The following ZSWIM9 variants were observed in gnomAD, a reference collection of about 807,000 sequenced individuals.
The protein encoded by ZSWIM9 is uncharacterized protein ZSWIM9.
Under a neutral mutation model 25.0 loss-of-function variants are expected in ZSWIM9, and 11 were observed. The observed-to-expected ratio is 0.44, with a 90% CI of 0.28 to 0.73. The LOEUF (loss-of-function observed/expected upper bound fraction) is 0.73, where lower values mean the gene tolerates loss of function less well. ZSWIM9 is among the 30% of genes least tolerant of loss of function. ZSWIM9 has a pLI of 0.16. For missense variants in ZSWIM9, 1,070 were observed against 1,296.5 expected (o/e 0.83, Z 2.68); for synonymous variants, 562 against 582.1 (o/e 0.97, Z 0.50).
chr19:48,195,125 C>T lies in ZSWIM9; in HGVS notation c.1061C>T (p.Ser354Leu), dbSNP rs1216344842. The T allele has an allele frequency of 3.4e-6, 5 of 1,484,858 alleles. No homozygotes were observed. Among genetic ancestry groups the T allele is most frequent in the Non-Finnish European group, 2.7e-6 (3 of 1,122,402 alleles). 92.0% of individuals were successfully genotyped at this position (1,484,858 alleles called of 1,614,324 possible). Reference sequence around the variant, plus strand: ...CTGTGCCGCCTGGCTGGCGCGTCGTCGCCCGCAGCCTACGACGAGGCGCTG... The same window carrying T: ...CTGTGCCGCCTGGCTGGCGCGTCGTTGCCCGCAGCCTACGACGAGGCGCTG... ...SRLCRLAGAS[S>L]PAAYDEALAE... Residue 354 changes from serine to leucine, a missense_variant, in exon 4 of 4, where the codon TCG becomes TTG. By Grantham distance (145) the Ser-to-Leu change is moderately radical. Transcript: ENST00000614654. The surrounding 1 kb of genome is among the most constrained non-coding windows in gnomAD (Gnocchi z 5.8).
At chr19:48,191,086 A>ATGTGTGTGTG (rs1409972670) in intron 3 of ZSWIM9, among the ~76,000 whole-genome samples, 72 of 142,642 alleles carry the variant, frequency 5.0e-4, no homozygotes, top group Middle Eastern at 3.4e-3. Context: ...TGCAGTGTGT[A>ATGTGTGTGTG]TGTGTATGTG....
Position 48,196,226 on chromosome 19 carries a change from G to T in ZSWIM9, c.2162G>T (p.Gly721Val). Reference protein sequence around the residue: ...GLEDIVLVQLGDTRVTGMENG... With the variant: ...GLEDIVLVQLVDTRVTGMENG... Reference sequence around the variant, plus strand: ...GAGGATATAGTTCTGGTCCAGCTGGGAGACACGAGGGTCACAGGCATGGAG... The same window carrying T: ...GAGGATATAGTTCTGGTCCAGCTGGTAGACACGAGGGTCACAGGCATGGAG... The change falls in exon 4 of 4, where the codon GGA (glycine) becomes GTA (valine). Residue 721 changes from glycine (G) to valine (V), a missense_variant. Gly to Val is a moderately radical substitution (Grantham distance 109, BLOSUM62 -3). Transcript: ENST00000614654. 1 of 1,233,412 alleles carries T rather than the reference G, an allele frequency of 8.1e-7. No homozygotes were observed. 76.4% of individuals were successfully genotyped at this position (1,233,412 alleles called of 1,614,324 possible).
chr19:48,174,205 G>T (rs1045648317), intron 2 of ZSWIM9, among the ~76,000 whole-genome samples: 2 of 151,948 alleles, frequency 1.3e-5, no homozygotes, highest in Non-Finnish European at 2.9e-5. Flanking sequence ...AAGAACACAG[G>T]CTCTGCCTTT....
chr19:48,173,803 A>G (rs1340051118), intron 2 of ZSWIM9, among the ~76,000 whole-genome samples: 1 of 150,050 alleles, frequency 6.7e-6, no homozygotes, highest in Non-Finnish European at 1.5e-5. Context: ...TGCCCAGCTA[A>G]TTTTTGTATT....
intron 2 of ZSWIM9, among the ~76,000 whole-genome samples, chr19:48,176,543 TTC>T (rs2036895237): frequency 6.6e-6 from 1 of 152,098 alleles, no homozygotes; most frequent in Non-Finnish European, 1.5e-5. Flanking sequence ...CCTCCCGCCT[TTC>T]TTTCTCACTT....
At position 48,183,659 on chromosome 19, in the gene ZSWIM9, A is replaced by G. The variant is rs1461859815; in HGVS notation, c.588+892A>G. ...TTTTTTTTAATCTTTTTTTTTTTTG[A>G]GACAGGATCTCACTGTCACCCAGGC... On this transcript the variant is annotated intron_variant, in intron 3 of 3. Transcript: ENST00000614654. Among the ~76,000 whole-genome samples, 3 of 139,176 alleles carry G rather than the reference A, an allele frequency of 2.2e-5. No homozygotes were observed. The East Asian group carries it at 6.6e-4, about 31-fold the overall frequency. The allele number at this position is 139,176 out of a possible 152,430, so 91.3% of individuals were successfully genotyped here.
rs1163048081 is a variant in ZSWIM9, at chr19:48,197,093, A to C, written c.*266A>C. On this transcript the variant is annotated 3_prime_UTR_variant, in exon 4 of 4. Coordinates refer to ENST00000614654, the MANE Select transcript of ZSWIM9 (RefSeq NM_199341.4). The stretch of plus-strand genomic sequence containing the variant: ...CTTCCCTCTGGAGAGGAAGCATGTG[A>C]TGAGAGGTGTAGACAGGGTCAGGCT... The C allele has an allele frequency of 1.2e-5, 7 of 593,732 alleles. No homozygotes were observed. Among genetic ancestry groups the C allele is most frequent in the Non-Finnish European group, 2.1e-5 (7 of 333,686 alleles). 36.8% of individuals were successfully genotyped at this position (593,732 alleles called of 1,614,324 possible).
chr19:48,178,631 C>T (rs958990007), intron 2 of ZSWIM9, among the ~76,000 whole-genome samples: 1 of 151,884 alleles, frequency 6.6e-6, no homozygotes, highest in Non-Finnish European at 1.5e-5. Context: ...GGCTGGAGTG[C>T]AGTGGCGCGA....
At chr19:48,183,348 C>T (rs902680171) in intron 3 of ZSWIM9, among the ~76,000 whole-genome samples, 1 of 152,108 alleles carries the variant, frequency 6.6e-6, no homozygotes, top group African/African-American at 2.4e-5. Context: ...AGGATGGTCT[C>T]GATCTCCTGA....
At chr19:48,172,813 C>G (rs111890844) in intron 2 of ZSWIM9, among the ~76,000 whole-genome samples, 1 of 152,094 alleles carries the variant, frequency 6.6e-6, no homozygotes, top group Non-Finnish European at 1.5e-5. Flanking sequence ...CTGTGCCCGG[C>G]CTGACTTACA....
rs1364960235 is a variant in ZSWIM9, at chr19:48,195,246, C to A, written c.1182C>A (p.Phe394Leu). ...RRDMWVRFRA[F>L]EAARDLDACA... ...ACATGTGGGTCCGCTTCCGCGCCTT[C>A]GAGGCGGCCAGAGACCTGGACGCGT... Residue 394 changes from phenylalanine (F) to leucine (L), a missense_variant, in exon 4 of 4, where the codon TTC becomes TTA. Coordinates refer to ENST00000614654, the MANE Select transcript of ZSWIM9 (RefSeq NM_199341.4). The surrounding 1 kb of genome is among the most constrained non-coding windows in gnomAD (Gnocchi z 5.8). 6.5e-7 allele frequency: 1 copy of A among 1,529,358 alleles called. No individual in the cohort carries two copies. Among genetic ancestry groups the A allele is most frequent in the African/African-American group, 1.4e-5 (1 of 72,488 alleles). The allele number at this position is 1,529,358 out of a possible 1,614,324, so 94.7% of individuals were successfully genotyped here.
At chr19:48,179,363 C>T (rs1019458760) in intron 2 of ZSWIM9, among the ~76,000 whole-genome samples, 49 of 152,064 alleles carry the variant, frequency 3.2e-4, no homozygotes, top group African/African-American at 1.1e-3. Flanking sequence ...GAGAAGGGCT[C>T]TTGCTATGTT....
Position 48,197,205 on chromosome 19 carries a change from G to A in ZSWIM9, c.*378G>A, listed in dbSNP as rs1233445818. The A allele has an allele frequency of 2.8e-6, 2 of 702,072 alleles. No homozygotes were observed. Among genetic ancestry groups the A allele is most frequent in the Admixed American group, 2.0e-5 (1 of 49,938 alleles). The allele number at this position is 702,072 out of a possible 1,614,324, so 43.5% of individuals were successfully genotyped here. Reference sequence around the variant, plus strand: ...GTGTCTGGCAAGAGTAGACTGGCCAGTCTAGGGAGTGCAGCGGGGAGAGGG... The same window carrying A: ...GTGTCTGGCAAGAGTAGACTGGCCAATCTAGGGAGTGCAGCGGGGAGAGGG... On this transcript the variant is annotated 3_prime_UTR_variant, in exon 4 of 4. Coordinates refer to ENST00000614654, the MANE Select transcript of ZSWIM9 (RefSeq NM_199341.4).
intron 3 of ZSWIM9, among the ~76,000 whole-genome samples, chr19:48,192,498 T>TATACACAC (rs369454865): frequency 1.0e-3 from 21 of 20,752 alleles, no homozygotes; most frequent in African/African-American, 2.4e-3. Flanking sequence ...TATATATATA[T>TATACACAC]ACACACACAC....
Position 48,197,337 on chromosome 19 carries a change from G to A in ZSWIM9, c.*510G>A. On this transcript the variant is annotated 3_prime_UTR_variant, in exon 4 of 4. Coordinates refer to ENST00000614654, the MANE Select transcript of ZSWIM9 (RefSeq NM_199341.4). ...AGAGGACAAGCAAAGAGACAGAAAT[G>A]AAGACATGAGGAAAAGCTGGGGGAA... The A allele has an allele frequency of 4.3e-6, 3 of 700,516 alleles. No homozygotes were observed. The allele number at this position is 700,516 out of a possible 1,614,324, so 43.4% of individuals were successfully genotyped here. A position where few individuals can be genotyped will look rare whatever the true frequency, so the allele number is the denominator to read the frequency against.
chr19:48,184,542 C>T (rs1361612919), intron 3 of ZSWIM9, among the ~76,000 whole-genome samples: 1 of 152,178 alleles, frequency 6.6e-6, no homozygotes, highest in Non-Finnish European at 1.5e-5. Context: ...GCACACTCTT[C>T]CTGTCTTCAT....
At chr19:48,174,573 T>A (rs967366974) in intron 2 of ZSWIM9, 2 of 152,214 alleles carry the variant, frequency 1.3e-5, no homozygotes, top group African/African-American at 4.8e-5. Flanking sequence ...CATAGGTAAA[T>A]TATTCAGAAA....
chr19:48,177,532 G>A (rs1461183029), intron 2 of ZSWIM9, among the ~76,000 whole-genome samples: 4 of 152,194 alleles, frequency 2.6e-5, no homozygotes, highest in Non-Finnish European at 5.9e-5. Flanking sequence ...CAGGTGGAGA[G>A]AAATTGGAAA....
At position 48,197,117 on chromosome 19, in the gene ZSWIM9, C is replaced by A. The variant is rs2037176860; in HGVS notation, c.*290C>A. The A allele has an allele frequency of 3.1e-6, 2 of 654,978 alleles. No homozygotes were observed. The highest frequency in any genetic ancestry group is 2.7e-5 in the East Asian group (1 of 36,620). The allele number at this position is 654,978 out of a possible 1,614,324, so 40.6% of individuals were successfully genotyped here. A position where few individuals can be genotyped will look rare whatever the true frequency, so the allele number is the denominator to read the frequency against. On this transcript the variant is annotated 3_prime_UTR_variant, in exon 4 of 4. Transcript: ENST00000614654. Reference sequence around the variant, plus strand: ...GATGAGAGGTGTAGACAGGGTCAGGCTGGGACAGAAGGAAGGAAAGGGGCA... The same window carrying A: ...GATGAGAGGTGTAGACAGGGTCAGGATGGGACAGAAGGAAGGAAAGGGGCA...
Sources: allele counts gnomAD v4.1 joint callset (sites outside exome capture counted in the v4.1 genomes callset), GRCh38; gene constraint gnomAD v4.1.1; non-coding constraint Gnocchi (gnomAD v3.1); transcripts MANE v1.5; gene names NCBI Gene and HGNC (gene_info 2026-07-23, HGNC 2026-07-21).